Variants in ABCG1 observed in about 807,000 individuals in gnomAD.
ABCG1 encodes ATP binding cassette subfamily G member 1.
In ABCG1, 29 loss-of-function variants were observed where a neutral mutation model predicts 69.2. That is an observed-to-expected ratio of 0.42 (90% CI 0.31 to 0.57). The LOEUF (loss-of-function observed/expected upper bound fraction) is 0.57. Among genes scored for constraint, ABCG1 ranks in the 20% least tolerant of loss-of-function variants. ABCG1 has a pLI of 0.15. For synonymous variants in ABCG1, 370 were observed against 374.8 expected, an observed-to-expected ratio of 0.99 and a Z score of 0.15; for missense variants, 718 against 898.1, an observed-to-expected ratio of 0.80 and a Z score of 2.56.
intron 2 of ABCG1, among the ~76,000 whole-genome samples, chr21:42,254,418 T>G (rs2068269983): frequency 6.6e-6 from 1 of 152,188 alleles, no homozygotes; most frequent in Admixed American, 6.5e-5. Context: ...TGCACACTAG[T>G]GGGCAAATGA....
intron 2 of ABCG1, among the ~76,000 whole-genome samples, chr21:42,261,285 G>A (rs189207629): frequency 1.3e-4 from 20 of 152,156 alleles, no homozygotes; most frequent in Non-Finnish European, 2.6e-4. Flanking sequence ...ATTTGTGAGG[G>A]GATTTCAGAT....
chr21:42,202,707 G>A (rs1010169296), intron 2 of ABCG1, among the ~76,000 whole-genome samples: 2 of 151,938 alleles, frequency 1.3e-5, no homozygotes, highest in African/African-American at 4.8e-5. Flanking sequence ...TGCCTCCCAG[G>A]CTCAAGCGAT....
At position 42,296,198 on chromosome 21, in the gene ABCG1, G is replaced by A; in HGVS notation, c.1807G>A (p.Gly603Ser). Residue 603 changes from glycine (G) to serine (S), a missense_variant, in exon 15 of 15, where the codon GGC becomes AGC. Physicochemically the swap from Gly to Ser is moderately conservative, Grantham distance 56. Coordinates refer to ENST00000398449, the MANE Select transcript of ABCG1 (RefSeq NM_016818.3). This position sits in a 1 kb window ranked among gnomAD's most constrained non-coding sequence, Gnocchi z 5.4. ...GFEGVILSIY[G>S]LDREDLHCDI... ...CGAAGGGGTCATCCTCTCCATCTATGGCTTAGACCGGGAAGATCTGCACTG... is the reference window on the plus strand; with the variant it reads ...CGAAGGGGTCATCCTCTCCATCTATAGCTTAGACCGGGAAGATCTGCACTG... 6.2e-7 allele frequency: 1 copy of A among 1,614,048 alleles called. No homozygotes were observed. The highest frequency in any genetic ancestry group is 8.5e-7 in the Non-Finnish European group (1 of 1,180,010).
intron 2 of ABCG1, among the ~76,000 whole-genome samples, chr21:42,241,046 C>T (rs893839850): frequency 7.9e-5 from 12 of 152,256 alleles, no homozygotes; most frequent in African/African-American, 2.9e-4. Context: ...CTGGAATGGA[C>T]ACTCTGGGCT....
chr21:42,212,925 C>T (rs1248135186), upstream of ABCG1, among the ~76,000 whole-genome samples: 6 of 152,290 alleles, frequency 3.9e-5, no homozygotes, highest in East Asian at 7.7e-4. Flanking sequence ...GATCTCCTGA[C>T]CTCGTGATCC....
intron 2 of ABCG1, among the ~76,000 whole-genome samples, chr21:42,268,769 A>G (rs568422300): frequency 3.9e-5 from 6 of 152,264 alleles, no homozygotes; most frequent in Non-Finnish European, 7.4e-5. Flanking sequence ...CTGGTTCTCA[A>G]TAGCAAGACC....
chr21:42,290,325 TTTTTG>T, intron 11 of ABCG1, 107 bp downstream of exon 11: 2 of 1,293,918 alleles, frequency 1.5e-6, no homozygotes, highest in Middle Eastern at 2.0e-4. Context: ...AAACACAATG[TTTTTG>T]TTTTTTTAAA....
At chr21:42,282,183 G>A in intron 5 of ABCG1, 91 bp from the exon 6 acceptor site, 3 of 1,529,496 alleles carry the variant, frequency 2.0e-6, no homozygotes, top group Non-Finnish European at 2.7e-6. Context: ...CCAGCAGGCT[G>A]AGGGCGGCTG....
intron 2 of ABCG1, chr21:42,201,793 C>A: frequency 6.2e-7 from 1 of 1,609,200 alleles, no homozygotes; most frequent in South Asian, 1.1e-5. Flanking sequence ...TGTTTCAACT[C>A]GTTCCGTGGG....
In ABCG1 at chr21:42,274,435, C is replaced by T. The variant is rs116495364; in HGVS notation, c.537+1000C>T. ...AGCTGGTTGTGCTCCTTGGACAGAC[C>T]GCGACCCAGCCAAGTGCCATGCATC... On this transcript the variant is annotated intron_variant, in intron 4 of 14. Transcript: ENST00000398449. Among the ~76,000 whole-genome samples, 23 of 150,838 alleles carry T rather than the reference C, an allele frequency of 1.5e-4. No homozygotes were observed. In the South Asian group the frequency reaches 3.8e-3, roughly 25 times the overall value.
intron 2 of ABCG1, chr21:42,259,249 A>G: frequency 6.8e-7 from 1 of 1,464,428 alleles, no homozygotes; most frequent in Non-Finnish European, 9.0e-7. Flanking sequence ...CAGAGTCAGC[A>G]AAGCACAGCC....
At chr21:42,267,494 T>TGTCTAGACCTG (rs1410878407) in intron 2 of ABCG1, among the ~76,000 whole-genome samples, 4 of 150,222 alleles carry the variant, frequency 2.7e-5, no homozygotes, top group Admixed American at 6.6e-5. Context: ...ATCTGGGTTC[T>TGTCTAGACCTG]GTCTGGGTGT....
chr21:42,250,762 C>A (rs983788413), intron 2 of ABCG1, among the ~76,000 whole-genome samples: 1 of 152,224 alleles, frequency 6.6e-6, no homozygotes, highest in African/African-American at 2.4e-5. Flanking sequence ...ATAACACAAA[C>A]GTGCTTTGTC....
At chr21:42,294,883 A>T (rs990620776) in intron 14 of ABCG1, 6 of 522,000 alleles carry the variant, frequency 1.1e-5, no homozygotes, top group Non-Finnish European at 2.1e-5. Flanking sequence ...AGCGCTTCAC[A>T]CCCGGAGAGC....
At chr21:42,283,844 G>C (rs879711050) in intron 6 of ABCG1, among the ~76,000 whole-genome samples, 2 of 28,968 alleles carry the variant, frequency 6.9e-5, no homozygotes, top group Non-Finnish European at 1.3e-4. Context: ...AAGTCCCCCC[G>C]CCCAGATGAG....
chr21:42,275,378 G>C (rs8127340), intron 4 of ABCG1, among the ~76,000 whole-genome samples: 40,239 of 152,090 alleles, frequency 0.26, 5,544 homozygotes, highest in African/African-American at 0.34. Flanking sequence ...CCTCCAAATG[G>C]ATGTTCAGAT....
At chr21:42,282,441 T>C (rs995608467) in intron 6 of ABCG1, 22 bp downstream of exon 6, 1 of 1,601,540 alleles carries the variant, frequency 6.2e-7, no homozygotes, top group Non-Finnish European at 8.5e-7. Context: ...GCATCTGAGC[T>C]GGTGTCCAGG....
rs144253884 is a variant in ABCG1 at position 42,210,488 on chromosome 21, T to G, written c.48+8765T>G. On this transcript the variant is annotated intron_variant, in intron 2 of 15. Transcript: ENST00000398457. Reference sequence around the variant, plus strand: ...TAATCTTCAACTTTGAAGGTCATCTTGGGGCCAGATGTTATTTACTCTTTC... The same window carrying G: ...TAATCTTCAACTTTGAAGGTCATCTGGGGGCCAGATGTTATTTACTCTTTC... Among the ~76,000 whole-genome samples, 308 of 152,334 alleles carry G rather than the reference T, an allele frequency of 2.0e-3. 1 individual carries two copies. Among genetic ancestry groups the G allele is most frequent in the African/African-American group, 6.9e-3 (286 of 41,566 alleles).
chr21:42,272,165 T>C (rs1378306979), intron 3 of ABCG1, among the ~76,000 whole-genome samples: 1 of 152,190 alleles, frequency 6.6e-6, no homozygotes, highest in East Asian at 1.9e-4. Flanking sequence ...GAAATTGGGG[T>C]TTGAAAAAAC....
Sources: allele counts gnomAD v4.1 joint callset (sites outside exome capture counted in the v4.1 genomes callset), GRCh38; gene constraint gnomAD v4.1.1; non-coding constraint Gnocchi (gnomAD v3.1); transcripts MANE v1.5; gene names NCBI Gene and HGNC (gene_info 2026-07-23, HGNC 2026-07-21).